VPS41: variants seen among roughly 807,000 people sequenced by gnomAD.
VPS41 encodes VPS41 subunit of HOPS complex, also known as vacuolar protein sorting-associated protein 41 homolog.
Under a neutral mutation model 130.9 loss-of-function variants are expected in VPS41, and 85 were observed. The observed-to-expected ratio is 0.65, with a 90% CI of 0.55 to 0.78. The LOEUF (loss-of-function observed/expected upper bound fraction) is 0.78. Among genes scored for constraint, VPS41 ranks in the 30% least tolerant of loss-of-function variants. The pLI is 0.00. For synonymous variants in VPS41, 335 were observed against 332.9 expected (o/e 1.01, Z -0.07); for missense variants, 874 against 1,018.7 (o/e 0.86, Z 1.93).
At chr7:38,765,507 T>C in intron 16 of VPS41, 73 bp downstream of exon 16, 2 of 1,026,892 alleles carry the variant, frequency 1.9e-6, no homozygotes, top group African/African-American at 3.3e-5. Context: ...CTGAGTACTA[T>C]TATCTTTGTT....
chr7:38,831,399 C>T (rs1045758401), intron 4 of VPS41: 5 of 366,182 alleles, frequency 1.4e-5, no homozygotes, highest in Admixed American at 1.1e-4. Context: ...AAGTGTTCAA[C>T]GACTACATGT....
intron 5 of VPS41, among the ~76,000 whole-genome samples, chr7:38,827,391 A>G (rs941755088): frequency 6.6e-6 from 1 of 152,232 alleles, no homozygotes; most frequent in African/African-American, 2.4e-5. Flanking sequence ...AATTTTCTAT[A>G]CAACCTATGT....
At chr7:38,907,836 T>C (rs1317018210) in intron 1 of VPS41, among the ~76,000 whole-genome samples, 2 of 152,208 alleles carry the variant, frequency 1.3e-5, no homozygotes, top group Non-Finnish European at 2.9e-5. Flanking sequence ...CATTTCAACA[T>C]GAAATAAAGA....
chr7:38,794,152 C>G (rs1784579996), intron 9 of VPS41, among the ~76,000 whole-genome samples: 1 of 152,122 alleles, frequency 6.6e-6, no homozygotes, highest in African/African-American at 2.4e-5. Flanking sequence ...TTAAAACTAA[C>G]AAGCAACCTG....
chr7:38,861,531 C>T (rs1786114177), intron 4 of VPS41, among the ~76,000 whole-genome samples: 1 of 152,208 alleles, frequency 6.6e-6, no homozygotes, highest in African/African-American at 2.4e-5. Flanking sequence ...AATTCCCTGT[C>T]TGTGTTGCTC....
rs769617536 is a variant in VPS41 at position 38,726,859 on chromosome 7, T to C, written c.2484+50A>G. ...GGTTACAGTTTAAAGCACATTCCTC[T>C]AAGTGTGTTAATTTCCCTCTAGTTG... On this transcript the variant is annotated intron_variant, in intron 28 of 28. Transcript: ENST00000310301. 40 of 1,447,728 alleles carry C rather than the reference T, an allele frequency of 2.8e-5. No individual in the cohort carries two copies. In the East Asian group the frequency reaches 1.0e-3, roughly 37 times the overall value. The allele number at this position is 1,447,728 out of a possible 1,614,324, so 89.7% of individuals were successfully genotyped here.
intron 16 of VPS41, 48 bp from the exon 17 acceptor site, chr7:38,763,595 A>G: frequency 8.4e-7 from 1 of 1,187,492 alleles, no homozygotes; most frequent in Non-Finnish European, 1.2e-6. Context: ...ATGAAAAAAC[A>G]AAACTGCATT....
At chr7:38,837,170 A>G (rs868212618) in intron 4 of VPS41, among the ~76,000 whole-genome samples, 1 of 151,980 alleles carries the variant, frequency 6.6e-6, no homozygotes, top group African/African-American at 2.4e-5. Context: ...ATCTTAGGTT[A>G]AAGGCAGGGG....
intron 7 of VPS41, among the ~76,000 whole-genome samples, chr7:38,815,859 G>A (rs927942943): frequency 1.8e-4 from 28 of 151,984 alleles, no homozygotes; most frequent in Admixed American, 1.6e-3. Context: ...TCCTCCGCTT[G>A]CAGAGATGGC....
intron 7 of VPS41, among the ~76,000 whole-genome samples, chr7:38,797,350 C>T (rs1236399243): frequency 6.6e-6 from 1 of 151,852 alleles, no homozygotes; most frequent in Non-Finnish European, 1.5e-5. Context: ...AACAGTAATT[C>T]ATGTCACAAA....
At chr7:38,777,065 TA>T (rs1281506146) in intron 10 of VPS41, among the ~76,000 whole-genome samples, 7 of 152,190 alleles carry the variant, frequency 4.6e-5, no homozygotes, top group African/African-American at 1.7e-4. Context: ...TTAGGTAGTT[TA>T]AAATGACATA....
chr7:38,773,889 C>T (rs1404765670), intron 12 of VPS41, among the ~76,000 whole-genome samples: 2 of 152,088 alleles, frequency 1.3e-5, no homozygotes, highest in Non-Finnish European at 2.9e-5. Context: ...CCAATCCTCC[C>T]CCGGGTCCTG....
At chr7:38,863,121 T>C (rs182276570) in intron 3 of VPS41, among the ~76,000 whole-genome samples, 178 of 152,360 alleles carry the variant, frequency 1.2e-3, no homozygotes, top group Non-Finnish European at 2.0e-3. Flanking sequence ...GGTGTACTTA[T>C]ACCATCAGTT....
chr7:38,785,214 GA>G (rs1784418688), intron 10 of VPS41, among the ~76,000 whole-genome samples: 1 of 152,174 alleles, frequency 6.6e-6, no homozygotes, highest in Non-Finnish European at 1.5e-5. Context: ...ACTTATCACT[GA>G]AAATACATTT....
intron 7 of VPS41, among the ~76,000 whole-genome samples, chr7:38,805,226 G>A (rs756504389): frequency 6.6e-6 from 1 of 152,146 alleles, no homozygotes; most frequent in Non-Finnish European, 1.5e-5. Flanking sequence ...ATTTGAACAA[G>A]CCCTTCACAC....
At chr7:38,884,070 T>A (rs1277614870) in intron 2 of VPS41, among the ~76,000 whole-genome samples, 14 of 152,210 alleles carry the variant, frequency 9.2e-5, no homozygotes. Flanking sequence ...TTGCCATAAA[T>A]CTGTTTATTA....
At chr7:38,850,096 T>A (rs984181530) in intron 4 of VPS41, among the ~76,000 whole-genome samples, 4 of 152,202 alleles carry the variant, frequency 2.6e-5, no homozygotes, top group Non-Finnish European at 5.9e-5. Flanking sequence ...TAGCAGACAT[T>A]TGTCACTCTT....
intron 4 of VPS41, among the ~76,000 whole-genome samples, chr7:38,853,314 G>A (rs1334089689): frequency 6.6e-6 from 1 of 151,568 alleles, no homozygotes; most frequent in Non-Finnish European, 1.5e-5. Flanking sequence ...AGCTACTTGG[G>A]AGGCTGAGGC....
chr7:38,793,214 G>C (rs370893034), intron 9 of VPS41, among the ~76,000 whole-genome samples: 2 of 152,212 alleles, frequency 1.3e-5, no homozygotes, highest in Non-Finnish European at 2.9e-5. Context: ...TCATTCATTT[G>C]TATATTTGTG....
Sources: allele counts gnomAD v4.1 joint callset (sites outside exome capture counted in the v4.1 genomes callset), GRCh38; gene constraint gnomAD v4.1.1; transcripts MANE v1.5; gene names NCBI Gene and HGNC (gene_info 2026-07-23, HGNC 2026-07-21).